LGR6: variants seen among roughly 807,000 people sequenced by gnomAD.
LGR6 encodes leucine rich repeat containing G protein-coupled receptor 6, also known as leucine-rich repeat-containing G protein-coupled receptor 6.
A neutral mutation model predicts 69.4 loss-of-function variants in LGR6; 45 were observed. That is an observed-to-expected ratio of 0.65 (90% CI 0.51 to 0.83). The LOEUF (loss-of-function observed/expected upper bound fraction) is 0.83. Among genes scored for constraint, LGR6 ranks in the 40% least tolerant of loss-of-function variants. The pLI, the probability that LGR6 is intolerant of heterozygous loss-of-function variation, is 0.00. For missense variants in LGR6, 1,108 were observed against 1,246.7 expected (o/e 0.89, Z 1.68); for synonymous variants, 538 against 555.0 (o/e 0.97, Z 0.43).
At chr1:202,227,812 A>G in intron 2 of LGR6, 124 bp from the exon 3 acceptor site, 1 of 692,296 alleles carries the variant, frequency 1.4e-6, no homozygotes, top group Middle Eastern at 2.4e-4. Context: ...CGCATCGTAG[A>G]TTTCAATAAA....
chr1:202,205,126 C>CAG (rs1248748308), intron 1 of LGR6, among the ~76,000 whole-genome samples: 2 of 91,142 alleles, frequency 2.2e-5, no homozygotes, highest in Non-Finnish European at 4.1e-5. Context: ...ACCTAACACA[C>CAG]CTCCTTCAAA....
chr1:202,205,341 A>ACG (rs1659132963), intron 1 of LGR6, among the ~76,000 whole-genome samples: 1 of 5,106 alleles, frequency 2.0e-4, no homozygotes, highest in Non-Finnish European at 4.0e-4. Flanking sequence ...CACCTAACAC[A>ACG]CCTCCTTCAA....
At chr1:202,246,681 G>A (rs1212148564) in intron 4 of LGR6, among the ~76,000 whole-genome samples, 1 of 151,942 alleles carries the variant, frequency 6.6e-6, no homozygotes, top group Non-Finnish European at 1.5e-5. Flanking sequence ...AAAAGTCAGT[G>A]CAAGCAAACA....
chr1:202,194,007 G>C lies in LGR6; in HGVS notation c.18G>C (p.Gly6=). 1 of 1,378,720 alleles carries C rather than the reference G, an allele frequency of 7.3e-7. No individual in the cohort carries two copies. Among genetic ancestry groups the C allele is most frequent in the South Asian group, 1.6e-5 (1 of 62,116 alleles). 85.4% of individuals were successfully genotyped at this position (1,378,720 alleles called of 1,614,324 possible). Residue 6 remains glycine (G), a synonymous_variant, in exon 1 of 18, where the codon GGG becomes GGC. Transcript: ENST00000367278. MPSPP[G]LRALWLCAAL... ...CCGCCGAGATGCCCAGCCCGCCGGGGCTCCGGGCGCTATGGCTTTGCGCCG... is the reference window on the plus strand; with the variant it reads ...CCGCCGAGATGCCCAGCCCGCCGGGCCTCCGGGCGCTATGGCTTTGCGCCG...
intron 3 of LGR6, among the ~76,000 whole-genome samples, chr1:202,231,692 C>T (rs1186665778): frequency 1.3e-5 from 2 of 152,318 alleles, no homozygotes; most frequent in African/African-American, 2.4e-5. Context: ...ACATGATGAT[C>T]GGTGTTCACA....
At chr1:202,244,628 T>C (rs1662493643) in intron 4 of LGR6, among the ~76,000 whole-genome samples, 1 of 152,126 alleles carries the variant, frequency 6.6e-6, no homozygotes, top group Non-Finnish European at 1.5e-5. Flanking sequence ...TAAGGATACT[T>C]ATCATTGGAT....
At chr1:202,226,182 A>G (rs114948736) in intron 2 of LGR6, among the ~76,000 whole-genome samples, 2 of 152,214 alleles carry the variant, frequency 1.3e-5, no homozygotes, top group East Asian at 3.8e-4. Flanking sequence ...CTCCTGGATT[A>G]GAGTGACTGG....
intron 4 of LGR6, among the ~76,000 whole-genome samples, chr1:202,253,652 G>A (rs1380497273): frequency 5.4e-5 from 5 of 93,144 alleles, no homozygotes; most frequent in South Asian, 8.2e-4. Context: ...TTTTTGAGAC[G>A]AAGTCTCACT....
At chr1:202,197,478 G>C in intron 1 of LGR6, 1 of 533,100 alleles carries the variant, frequency 1.9e-6, no homozygotes, top group Non-Finnish European at 3.8e-6. Context: ...CACTCACCGG[G>C]GTTTTGACAT....
chr1:202,259,546 A>G (rs1664052034), intron 4 of LGR6, among the ~76,000 whole-genome samples: 1 of 152,180 alleles, frequency 6.6e-6, no homozygotes, highest in Non-Finnish European at 1.5e-5. Context: ...GTGCTAATAT[A>G]TTAAATTATT....
chr1:202,205,649 C>G (rs867888251), intron 1 of LGR6, among the ~76,000 whole-genome samples: 1 of 148,540 alleles, frequency 6.7e-6, no homozygotes, highest in Non-Finnish European at 1.5e-5. Flanking sequence ...CAAACACACA[C>G]ACACACGCAC....
chr1:202,301,032 T>C (rs573677155), intron 8 of LGR6, 112 bp downstream of exon 8: 1 of 1,283,268 alleles, frequency 7.8e-7, no homozygotes, highest in Non-Finnish European at 1.1e-6. Context: ...GGCAGAAGTA[T>C]GGGAGGGGTT....
At chr1:202,257,011 G>T (rs1663829415) in intron 4 of LGR6, among the ~76,000 whole-genome samples, 2 of 152,124 alleles carry the variant, frequency 1.3e-5, no homozygotes, top group Admixed American at 1.3e-4. Flanking sequence ...TGTATATCTT[G>T]TTTGGAGAAA....
At chr1:202,248,531 T>C (rs1662948810) in intron 4 of LGR6, among the ~76,000 whole-genome samples, 1 of 148,188 alleles carries the variant, frequency 6.7e-6, no homozygotes. Flanking sequence ...CTCCTTCCTT[T>C]GCCCTCCCTT....
At chr1:202,213,064 A>G (rs1044345139) in intron 1 of LGR6, among the ~76,000 whole-genome samples, 5 of 152,206 alleles carry the variant, frequency 3.3e-5, no homozygotes, top group Non-Finnish European at 7.3e-5. Flanking sequence ...TCCTGAGGGC[A>G]GGGAACACAC....
chr1:202,265,962 C>G lies in LGR6; in HGVS notation c.429-10344C>G, dbSNP rs57564921. Among the ~76,000 whole-genome samples the G allele has an allele frequency of 1.1e-3, 160 of 152,324 alleles. 3 individuals are homozygous for G. The highest frequency in any genetic ancestry group is 3.7e-3 in the African/African-American group (154 of 41,572). Reference sequence around the variant, plus strand: ...AGCTCTGAAGTTGGCCTTTTACTATCTCCCACCTCTATCGACCATCTTTCC... The same window carrying G: ...AGCTCTGAAGTTGGCCTTTTACTATGTCCCACCTCTATCGACCATCTTTCC... On this transcript the variant is annotated intron_variant, in intron 4 of 17. Transcript: ENST00000367278.
chr1:202,236,106 TC>T, intron 4 of LGR6, 113 bp downstream of exon 4: 1 of 808,600 alleles, frequency 1.2e-6, no homozygotes, highest in Non-Finnish European at 2.1e-6. Flanking sequence ...CCTCTCCCAG[TC>T]CACGTTCCAG....
chr1:202,283,540 AAG>A (rs1231811589), intron 6 of LGR6, among the ~76,000 whole-genome samples: 4 of 152,202 alleles, frequency 2.6e-5, no homozygotes, highest in African/African-American at 9.7e-5. Context: ...CAGCAGAGGG[AAG>A]ATCAAACCCC....
Position 202,309,152 on chromosome 1 carries a change from C to T in LGR6, c.1382C>T (p.Ser461Phe). The change falls in exon 15 of 18, where the codon TCC (serine) becomes TTC (phenylalanine). Residue 461 changes from serine to phenylalanine, a missense_variant. Transcript: ENST00000367278. Reference sequence around the variant, plus strand: ...AACCTTGCTCTCTCCCAGGCCTTCTCCAAGGACAGTTTCCCAAAACTGAGG... The same window carrying T: ...AACCTTGCTCTCTCCCAGGCCTTCTTCAAGGACAGTTTCCCAAAACTGAGG... ...KGNLALSQAF[S>F]KDSFPKLRIL... 1.2e-6 allele frequency: 2 copies of T among 1,614,146 alleles called. No homozygotes were observed. The highest frequency in any genetic ancestry group is 1.7e-6 in the Non-Finnish European group (2 of 1,179,980).
Sources: allele counts gnomAD v4.1 joint callset (sites outside exome capture counted in the v4.1 genomes callset), GRCh38; gene constraint gnomAD v4.1.1; transcripts MANE v1.5; gene names NCBI Gene and HGNC (gene_info 2026-07-23, HGNC 2026-07-21).